DNM3: variants seen among roughly 807,000 people sequenced by gnomAD.
The protein encoded by DNM3 is dynamin 3.
A neutral mutation model predicts 101.6 loss-of-function variants in DNM3; 47 were observed. The observed-to-expected ratio is 0.46, with a 90% CI of 0.37 to 0.59. The LOEUF is 0.59. DNM3 is among the 20% of genes least tolerant of loss of function. DNM3 has a pLI of 0.00. For missense variants in DNM3, 849 were observed against 1,085.7 expected, an observed-to-expected ratio of 0.78 and a Z score of 3.06; for synonymous variants, 385 against 387.9, an observed-to-expected ratio of 0.99 and a Z score of 0.09.
In DNM3 at chr1:172,412,590, G is replaced by A. The variant is rs769381333; in HGVS notation, c.*4749G>A. ...TCAGGATTTCTTAATGCTGATATAT[G>A]GACTCTTAGAATGGAATTTTTGAAG... is the stretch of plus-strand genomic sequence containing the variant. On this transcript the variant is annotated 3_prime_UTR_variant, in exon 21 of 21. Coordinates refer to ENST00000627582, the MANE Select transcript of DNM3 (RefSeq NM_015569.5). 67 of 985,584 alleles carry A rather than the reference G, an allele frequency of 6.8e-5. No homozygotes were observed. The highest frequency in any genetic ancestry group is 1.1e-4 in the East Asian group (1 of 8,828). The allele number at this position is 985,584 out of a possible 1,614,324, so 61.1% of individuals were successfully genotyped here.
intron 20 of DNM3, among the ~76,000 whole-genome samples, chr1:172,405,210 T>C (rs1177777153): frequency 6.6e-6 from 1 of 152,154 alleles, no homozygotes; most frequent in Admixed American, 6.6e-5. Flanking sequence ...ATTCAACAAA[T>C]ACTTAACCAC....
In DNM3 at chr1:172,390,316, A is replaced by G. The variant is rs150156392; in HGVS notation, c.2522+1507A>G. 3.0e-4 allele frequency among the ~76,000 whole-genome samples: 45 copies of G among 152,354 alleles called. No homozygotes were observed. The East Asian group carries it at 8.3e-3, about 28-fold the overall frequency. On this transcript the variant is annotated intron_variant, in intron 20 of 20. Transcript: ENST00000627582. ...AAATAGGTTGTTATCCACATTTTAC[A>G]GATGAGGCAGTGAGGTTAAACAGCT...
At chr1:172,286,591 C>A (rs999816052) in intron 15 of DNM3, among the ~76,000 whole-genome samples, 1 of 152,188 alleles carries the variant, frequency 6.6e-6, no homozygotes, top group African/African-American at 2.4e-5. Flanking sequence ...TGGCACCCAG[C>A]ATCACAGCCA....
chr1:172,188,364 C>A (rs1001959935), intron 14 of DNM3, among the ~76,000 whole-genome samples: 2 of 152,034 alleles, frequency 1.3e-5, no homozygotes, highest in Admixed American at 1.3e-4. Context: ...CAGGTTTGCA[C>A]CACCTTGCCT....
intron 15 of DNM3, among the ~76,000 whole-genome samples, chr1:172,265,718 T>C (rs2062833108): frequency 1.3e-5 from 2 of 152,212 alleles, no homozygotes; most frequent in Admixed American, 1.3e-4. Context: ...GATAATGGCC[T>C]CACTGTGCTT....
chr1:172,066,404 C>G (rs1558513276), intron 10 of DNM3, among the ~76,000 whole-genome samples: 1 of 152,148 alleles, frequency 6.6e-6, no homozygotes, highest in Non-Finnish European at 1.5e-5. Context: ...CTTGCTGGTG[C>G]AGGGTATCAA....
chr1:172,146,481 G>A (rs1558640115), intron 14 of DNM3, among the ~76,000 whole-genome samples: 1 of 152,032 alleles, frequency 6.6e-6, no homozygotes, highest in African/African-American at 2.4e-5. Context: ...TTATATCTCT[G>A]TACTTTTGCT....
intron 14 of DNM3, among the ~76,000 whole-genome samples, chr1:172,206,984 C>A (rs780580334): frequency 6.6e-6 from 1 of 152,000 alleles, no homozygotes; most frequent in Non-Finnish European, 1.5e-5. Context: ...GCTCCTGTTA[C>A]AGACTGAGCT....
chr1:172,320,859 A>G (rs2065681651), intron 16 of DNM3, among the ~76,000 whole-genome samples: 1 of 152,212 alleles, frequency 6.6e-6, no homozygotes, highest in South Asian at 2.1e-4. Flanking sequence ...AGGAAGTCTG[A>G]AACAATGTCC....
At chr1:172,230,044 T>G (rs1386644039) in intron 14 of DNM3, among the ~76,000 whole-genome samples, 1 of 152,190 alleles carries the variant, frequency 6.6e-6, no homozygotes, top group Non-Finnish European at 1.5e-5. Flanking sequence ...ATTCTTTCAC[T>G]AGGGGAGTCA....
intron 15 of DNM3, among the ~76,000 whole-genome samples, chr1:172,287,654 T>A (rs2063749126): frequency 6.6e-6 from 1 of 152,044 alleles, no homozygotes. Context: ...AAAAAACTCG[T>A]CCCTTTGGCA....
intron 14 of DNM3, among the ~76,000 whole-genome samples, chr1:172,239,612 C>T (rs1465699332): frequency 6.6e-6 from 1 of 152,028 alleles, no homozygotes; most frequent in South Asian, 2.1e-4. Flanking sequence ...ATTCCTCTTC[C>T]ATGGTCTTTG....
intron 14 of DNM3, among the ~76,000 whole-genome samples, chr1:172,248,607 G>A (rs1347251696): frequency 1.3e-5 from 2 of 151,174 alleles, no homozygotes; most frequent in Non-Finnish European, 2.9e-5. Context: ...AAGGCCACAA[G>A]AACCTGCCTT....
At chr1:172,083,435 A>G (rs910011712) in intron 12 of DNM3, among the ~76,000 whole-genome samples, 2 of 152,242 alleles carry the variant, frequency 1.3e-5, no homozygotes, top group Non-Finnish European at 1.5e-5. Context: ...CAAATCCTTG[A>G]GACATTTAAA....
At chr1:171,985,115 T>C (rs961943194) in intron 2 of DNM3, among the ~76,000 whole-genome samples, 2 of 152,212 alleles carry the variant, frequency 1.3e-5, no homozygotes, top group African/African-American at 4.8e-5. Flanking sequence ...ATGTATCGAT[T>C]AGCAGTGATT....
chr1:172,289,987 G>T (rs1050124735), intron 15 of DNM3: 1 of 911,894 alleles, frequency 1.1e-6, no homozygotes, highest in African/African-American at 1.8e-5. Context: ...TTATATTATT[G>T]ACATCATAGG....
Position 172,409,841 on chromosome 1 carries a change from T to C in DNM3, c.*2000T>C. The C allele has an allele frequency of 2.0e-6, 2 of 985,820 alleles. No homozygotes were observed. Among genetic ancestry groups the C allele is most frequent in the Non-Finnish European group, 2.4e-6 (2 of 829,896 alleles). 61.1% of individuals were successfully genotyped at this position (985,820 alleles called of 1,614,324 possible). On this transcript the variant is annotated 3_prime_UTR_variant, in exon 21 of 21. Transcript: ENST00000627582. ...GTTTGGCTTTGTGCTAAATGTGGTT[T>C]TGTGTTTTGCTGTATTTCAAAATTT... is the stretch of plus-strand genomic sequence containing the variant.
chr1:172,203,209 A>C (rs1461722846), intron 14 of DNM3, among the ~76,000 whole-genome samples: 1 of 152,170 alleles, frequency 6.6e-6, no homozygotes, highest in Non-Finnish European at 1.5e-5. Flanking sequence ...GCTATTGTTT[A>C]ATTGAGGTAC....
intron 11 of DNM3, among the ~76,000 whole-genome samples, chr1:172,070,609 C>T (rs2125941604): frequency 6.6e-6 from 1 of 152,172 alleles, no homozygotes; most frequent in South Asian, 2.1e-4. Flanking sequence ...TCAAACTTCA[C>T]CATGTTGTTA....
Sources: gnomAD v4.1 joint callset for allele counts (sites outside exome capture counted in the v4.1 genomes callset) on GRCh38, gnomAD v4.1.1 for gene constraint, MANE v1.5 for transcripts, NCBI Gene and HGNC (gene_info 2026-07-23, HGNC 2026-07-21) for gene names.